CNTN5: variants seen among roughly 807,000 people sequenced by gnomAD.
CNTN5 encodes the protein contactin 5, also known as contactin-5.
A neutral mutation model predicts 129.1 loss-of-function variants in CNTN5; 77 were observed. The observed-to-expected ratio is 0.60, with a 90% CI of 0.50 to 0.72. The LOEUF is 0.72. Ranked by LOEUF, CNTN5 falls within the 30% of genes least tolerant of loss-of-function variation. The pLI is 0.00. For missense variants in CNTN5, 1,478 were observed against 1,328.8 expected (o/e 1.11, Z -1.75); for synonymous variants, 509 against 465.6 (o/e 1.09, Z -1.20).
rs760862808 is a variant in CNTN5, at chr11:100,308,377, C to T, written c.2639C>T (p.Thr880Ile). Residue 880 changes from threonine (T) to isoleucine (I), a missense_variant, in exon 21 of 25, where the codon ACA (threonine) becomes ATA (isoleucine). Physicochemically the swap from Thr to Ile is moderately conservative, Grantham distance 89. Transcript: ENST00000524871. ...SAEGEPSAAP[T>I]DVKATSVSVS... ...CATACAGAACCCAGTGCTGCTCCCA[C>T]AGATGTCAAGGCGACAAGTGTGTCT... The T allele has an allele frequency of 1.2e-6, 2 of 1,610,760 alleles. No homozygotes were observed. Among genetic ancestry groups the T allele is most frequent in the African/African-American group, 2.7e-5 (2 of 74,646 alleles).
chr11:99,464,742 T>C (rs1438114830), intron 2 of CNTN5, among the ~76,000 whole-genome samples: 1 of 152,174 alleles, frequency 6.6e-6, no homozygotes, highest in African/African-American at 2.4e-5. Context: ...GATTAGAATA[T>C]GCAGTGTTTT....
chr11:99,741,116 C>T (rs565741085), intron 3 of CNTN5, among the ~76,000 whole-genome samples: 4 of 152,200 alleles, frequency 2.6e-5, no homozygotes, highest in African/African-American at 9.6e-5. Context: ...TTCTTACTAT[C>T]TAAGTCTGAA....
intron 2 of CNTN5, among the ~76,000 whole-genome samples, chr11:99,524,026 T>C (rs1258132454): frequency 6.6e-6 from 1 of 152,030 alleles, no homozygotes; most frequent in East Asian, 1.9e-4. Flanking sequence ...CTGGCTGAAA[T>C]TGGGAGAAAT....
chr11:99,598,985 A>C (rs996435772), intron 3 of CNTN5, among the ~76,000 whole-genome samples: 1 of 152,274 alleles, frequency 6.6e-6, no homozygotes, highest in African/African-American at 2.4e-5. Context: ...TAATGAGATA[A>C]GATTAGGAGA....
chr11:99,710,547 T>C (rs975910024), intron 3 of CNTN5, among the ~76,000 whole-genome samples: 6 of 145,902 alleles, frequency 4.1e-5, no homozygotes, highest in Admixed American at 1.4e-4. Context: ...CTGCTCTAGA[T>C]TGTGTGTGTG....
At chr11:99,758,424 A>G (rs1944472669) in intron 3 of CNTN5, among the ~76,000 whole-genome samples, 1 of 152,218 alleles carries the variant, frequency 6.6e-6, no homozygotes, top group East Asian at 1.9e-4. Context: ...AGGAAAATGA[A>G]TTGAAATTTA....
intron 3 of CNTN5, among the ~76,000 whole-genome samples, chr11:99,722,350 A>T (rs540525063): frequency 6.6e-6 from 1 of 152,250 alleles, no homozygotes; most frequent in South Asian, 2.1e-4. Context: ...ATGGAGCTGG[A>T]GGCAATTATT....
chr11:99,934,814 G>T (rs1046633081), intron 7 of CNTN5, among the ~76,000 whole-genome samples: 1 of 150,816 alleles, frequency 6.6e-6, no homozygotes, highest in Non-Finnish European at 1.5e-5. Flanking sequence ...GGCAGAGATT[G>T]CAGTGAGCTG....
chr11:99,342,498 GC>G (rs1428705138), intron 2 of CNTN5, among the ~76,000 whole-genome samples: 1 of 147,952 alleles, frequency 6.8e-6, no homozygotes, highest in East Asian at 2.0e-4. Context: ...ACTTTGGGAG[GC>G]CGAGGTTGGT....
intron 2 of CNTN5, among the ~76,000 whole-genome samples, chr11:99,519,793 A>T (rs776380989): frequency 6.6e-6 from 1 of 152,096 alleles, no homozygotes; most frequent in Non-Finnish European, 1.5e-5. Flanking sequence ...AAAGAAGAGC[A>T]TTTTGTACTG....
intron 1 of CNTN5, among the ~76,000 whole-genome samples, chr11:99,282,339 C>A (rs2135892293): frequency 6.6e-6 from 1 of 151,996 alleles, no homozygotes; most frequent in South Asian, 2.1e-4. Context: ...CGGTAAGGTT[C>A]ACTCAGAAGA....
intron 2 of CNTN5, among the ~76,000 whole-genome samples, chr11:99,368,991 G>A (rs1281285562): frequency 6.6e-6 from 1 of 151,694 alleles, no homozygotes; most frequent in Non-Finnish European, 1.5e-5. Context: ...AAAAGTTTTT[G>A]TCTAAGATTA....
At chr11:99,711,881 T>C (rs895658946) in intron 3 of CNTN5, among the ~76,000 whole-genome samples, 1 of 152,124 alleles carries the variant, frequency 6.6e-6, no homozygotes, top group African/African-American at 2.4e-5. Flanking sequence ...CAGTCTATCA[T>C]TGATGGGTAT....
chr11:99,265,506 T>A (rs372499047), intron 1 of CNTN5, among the ~76,000 whole-genome samples: 4 of 152,042 alleles, frequency 2.6e-5, no homozygotes, highest in South Asian at 4.1e-4. Flanking sequence ...ATTGGCATGA[T>A]TGAAGCTCTA....
At chr11:99,553,426 C>T (rs146358553) in intron 2 of CNTN5, among the ~76,000 whole-genome samples, 1 of 151,880 alleles carries the variant, frequency 6.6e-6, no homozygotes. Flanking sequence ...ATTGTCATTT[C>T]TTTGATGCAG....
At chr11:99,472,972 T>C (rs1309683104) in intron 2 of CNTN5, among the ~76,000 whole-genome samples, 2 of 152,176 alleles carry the variant, frequency 1.3e-5, no homozygotes, top group African/African-American at 4.8e-5. Context: ...GTTCCCTCTC[T>C]GACAGCGACC....
intron 2 of CNTN5, among the ~76,000 whole-genome samples, chr11:99,349,571 A>G (rs1282290017): frequency 6.6e-6 from 1 of 152,182 alleles, no homozygotes; most frequent in East Asian, 1.9e-4. Flanking sequence ...TTTATTATAA[A>G]TACACCATGG....
intron 1 of CNTN5, among the ~76,000 whole-genome samples, chr11:99,057,019 A>G (rs955122835): frequency 6.6e-6 from 1 of 152,002 alleles, no homozygotes; most frequent in Non-Finnish European, 1.5e-5. Flanking sequence ...TATGGACACT[A>G]CCTGTAGGCC....
At chr11:100,044,847 A>G (rs1942582976) in intron 9 of CNTN5, among the ~76,000 whole-genome samples, 1 of 152,084 alleles carries the variant, frequency 6.6e-6, no homozygotes, top group African/African-American at 2.4e-5. Flanking sequence ...AGAGACCTGT[A>G]TTATACTATA....
Sources: gnomAD v4.1 joint callset for allele counts (sites outside exome capture counted in the v4.1 genomes callset) on GRCh38, gnomAD v4.1.1 for gene constraint, MANE v1.5 for transcripts, NCBI Gene and HGNC (gene_info 2026-07-23, HGNC 2026-07-21) for gene names.